The following NKD2 variants were observed in gnomAD, a reference collection of about 807,000 sequenced individuals.
The protein encoded by NKD2 is protein naked cuticle homolog 2.
NKD2 carries 43 observed loss-of-function variants against 34.8 expected under a neutral mutation model. The observed-to-expected ratio is 1.24, with a 90% CI of 0.97 to 1.60. The LOEUF is 1.60. Ranked by LOEUF, NKD2 falls within the 40% of genes most tolerant of loss-of-function variation. The probability of loss-of-function intolerance (pLI) is 0.00; values close to 1 mark genes in which losing one functional copy is unlikely to be tolerated. For missense variants in NKD2, 675 were observed against 627.1 expected, an observed-to-expected ratio of 1.08 and a Z score of -0.82; for synonymous variants, 278 against 265.1, an observed-to-expected ratio of 1.05 and a Z score of -0.47.
In NKD2 at chr5:1,015,584, A is replaced by G. The variant is rs913628932; in HGVS notation, c.141+6024A>G. 1.2e-4 allele frequency among the ~76,000 whole-genome samples: 19 copies of G among 152,306 alleles called. 1 individual carries two copies. The Middle Eastern group carries it at 0.01, about 82-fold the overall frequency. The stretch of plus-strand genomic sequence containing the variant: ...CTCCCTGGGTTATGACGAAAGGCCT[A>G]TGACACCCCTAGGGAGTTGGGGAAG... On this transcript the variant is annotated intron_variant, in intron 3 of 9. Coordinates refer to ENST00000296849, the MANE Select transcript of NKD2 (RefSeq NM_033120.4).
intron 3 of NKD2, among the ~76,000 whole-genome samples, chr5:1,026,725 G>A (rs1756426869): frequency 6.6e-6 from 1 of 152,252 alleles, no homozygotes; most frequent in South Asian, 2.1e-4. Context: ...TGAGCCACCT[G>A]CCAGGCACTC....
At chr5:1,026,501 A>G (rs187765142) in intron 3 of NKD2, among the ~76,000 whole-genome samples, 25 of 58,850 alleles carry the variant, frequency 4.2e-4, no homozygotes, top group East Asian at 6.6e-4. Context: ...GTCTCAGCCC[A>G]TTGTCCCTGC....
rs542731833 is a variant in NKD2 at position 1,038,486 on chromosome 5, C to T, written c.*113C>T. On this transcript the variant is annotated 3_prime_UTR_variant, in exon 10 of 10. Coordinates refer to ENST00000296849, the MANE Select transcript of NKD2 (RefSeq NM_033120.4). The surrounding 1 kb of genome is among the most constrained non-coding windows in gnomAD (Gnocchi z 4.5). The stretch of plus-strand genomic sequence containing the variant: ...TGGGGAGCCCAGCCCCCACCCCCCA[C>T]CTCCGACAGCAAACAGCAACTGACT... The T allele has an allele frequency of 1.0e-4, 155 of 1,531,116 alleles. No homozygotes were observed. The African/African-American group carries it at 2.0e-3, about 19-fold the overall frequency. 94.8% of individuals were successfully genotyped at this position (1,531,116 alleles called of 1,614,324 possible).
chr5:1,009,553 A>C lies in NKD2; in HGVS notation c.134A>C (p.Asp45Ala). The C allele has an allele frequency of 6.7e-7, 1 of 1,485,080 alleles. No individual in the cohort carries two copies. Among genetic ancestry groups the C allele is most frequent in the African/African-American group, 1.5e-5 (1 of 68,196 alleles). 92.0% of individuals were successfully genotyped at this position (1,485,080 alleles called of 1,614,324 possible). A position where few individuals can be genotyped will look rare whatever the true frequency, so the allele number is the denominator to read the frequency against. The change falls in exon 3 of 10, where the codon GAC (aspartate) becomes GCC (alanine). Residue 45 changes from aspartate (D) to alanine (A), a missense_variant. Coordinates refer to ENST00000296849, the MANE Select transcript of NKD2 (RefSeq NM_033120.4). The surrounding 1 kb of genome is among the most constrained non-coding windows in gnomAD (Gnocchi z 6.9). ...GAEEAERRAR[D>A]KQELPNGDPK... Reference sequence around the variant, plus strand: ...GAGGAAGCGGAGCGGCGCGCGCGGGACAAGCAGGTAGGCGGCGGGGCGGAG... The same window carrying C: ...GAGGAAGCGGAGCGGCGCGCGCGGGCCAAGCAGGTAGGCGGCGGGGCGGAG...
Position 1,009,441 on chromosome 5 carries a change from C to T in NKD2, c.62-40C>T. 2 of 1,473,788 alleles carry T rather than the reference C, an allele frequency of 1.4e-6. No homozygotes were observed. Among genetic ancestry groups the T allele is most frequent in the Non-Finnish European group, 1.8e-6 (2 of 1,112,110 alleles). 91.3% of individuals were successfully genotyped at this position (1,473,788 alleles called of 1,614,324 possible). A position where few individuals can be genotyped will look rare whatever the true frequency, so the allele number is the denominator to read the frequency against. On this transcript the variant is annotated intron_variant, in intron 2 of 9. Coordinates refer to ENST00000296849, the MANE Select transcript of NKD2 (RefSeq NM_033120.4). The surrounding 1 kb of genome is among the most constrained non-coding windows in gnomAD (Gnocchi z 6.9). ...GGCTCACGGCGCGTCTCTTTCCCTC[C>T]TCGGTGCGGGTTTCCCGCGCGTCCG...
intron 3 of NKD2, among the ~76,000 whole-genome samples, chr5:1,029,706 T>C (rs1464071415): frequency 6.6e-6 from 1 of 152,186 alleles, no homozygotes; most frequent in Non-Finnish European, 1.5e-5. Flanking sequence ...TAAAAAATAC[T>C]CCACCCCGTC....
At chr5:1,018,893 A>G (rs955536965) in intron 3 of NKD2, among the ~76,000 whole-genome samples, 1 of 152,052 alleles carries the variant, frequency 6.6e-6, no homozygotes, top group African/African-American at 2.4e-5. Context: ...ACAGGGAGGA[A>G]CATCCTTGGC....
At chr5:1,015,276 G>A (rs1168668686) in intron 3 of NKD2, among the ~76,000 whole-genome samples, 1 of 152,226 alleles carries the variant, frequency 6.6e-6, no homozygotes, top group Non-Finnish European at 1.5e-5. Context: ...TCCCTGGCGT[G>A]GCCAGGTGTG....
chr5:1,030,027 T>C (rs72643717), intron 3 of NKD2, among the ~76,000 whole-genome samples: 1 of 128,880 alleles, frequency 7.8e-6, no homozygotes, highest in African/African-American at 3.6e-5. Flanking sequence ...GGGGGGGGGG[T>C]ACTGAGAACC....
chr5:1,031,461 C>T (rs530496716), intron 3 of NKD2, among the ~76,000 whole-genome samples: 25 of 152,134 alleles, frequency 1.6e-4, no homozygotes, highest in Admixed American at 4.6e-4. Flanking sequence ...CCCTCCCGCC[C>T]GCCTGCCCGA....
At chr5:1,034,378 G>A (rs749833288) in intron 6 of NKD2, 48 bp downstream of exon 6, 209 of 1,464,958 alleles carry the variant, frequency 1.4e-4, no homozygotes, top group Non-Finnish European at 1.9e-4. Context: ...AGACAGACGG[G>A]GCAGACAGAC....
At chr5:1,020,903 G>A (rs535052619) in intron 3 of NKD2, among the ~76,000 whole-genome samples, 3 of 152,166 alleles carry the variant, frequency 2.0e-5, no homozygotes, top group South Asian at 2.1e-4. Flanking sequence ...GGCTTAGGGC[G>A]TTTACTGGGT....
chr5:1,027,209 C>T (rs1378798334), intron 3 of NKD2, among the ~76,000 whole-genome samples: 1 of 152,240 alleles, frequency 6.6e-6, no homozygotes, highest in Non-Finnish European at 1.5e-5. Flanking sequence ...CCCAACAGGG[C>T]CGTCCCCACC....
At chr5:1,021,413 A>ACCCAGCCCCCCCCAGCCCCTC (rs1756178778) in intron 3 of NKD2, among the ~76,000 whole-genome samples, 1 of 118,032 alleles carries the variant, frequency 8.5e-6, no homozygotes, top group Admixed American at 9.1e-5. Context: ...CCTGCCCCCG[A>ACCCAGCCCCCCCCAGCCCCTC]CCCAGCCCCC....
chr5:1,029,697 A>T (rs1756563696), intron 3 of NKD2, among the ~76,000 whole-genome samples: 1 of 152,156 alleles, frequency 6.6e-6, no homozygotes, highest in African/African-American at 2.4e-5. Flanking sequence ...AAAAATCCTT[A>T]AAAAATACTC....
chr5:1,033,348 C>T (rs1756718597), intron 4 of NKD2, 24 bp from the exon 5 acceptor site: 1 of 1,580,938 alleles, frequency 6.3e-7, no homozygotes, highest in East Asian at 2.3e-5. Flanking sequence ...CTGCCAGCCC[C>T]TTCGCCTCCT....
rs558801700 is a variant in NKD2 at position 1,035,817 on chromosome 5, G to A, written c.659+344G>A. The A allele has an allele frequency of 1.8e-5, 7 of 379,060 alleles. No individual in the cohort carries two copies. In the East Asian group the frequency reaches 2.3e-4, roughly 13 times the overall value. The allele number at this position is 379,060 out of a possible 1,614,324, so 23.5% of individuals were successfully genotyped here. ...GCTGGGGGTGGCTGGGGCAGTGGCT[G>A]AGGGTGGCTGGGGCAGTGGTTGGGG... is the stretch of plus-strand genomic sequence containing the variant. On this transcript the variant is annotated intron_variant, in intron 8 of 9. Coordinates refer to ENST00000296849, the MANE Select transcript of NKD2 (RefSeq NM_033120.4).
At chr5:1,028,255 C>CT (rs1268603824) in intron 3 of NKD2, among the ~76,000 whole-genome samples, 2 of 152,126 alleles carry the variant, frequency 1.3e-5, no homozygotes, top group Non-Finnish European at 1.5e-5. Flanking sequence ...GGCTCACAGA[C>CT]CAGGGTGGCC....
At position 1,009,415 on chromosome 5, in the gene NKD2, G is replaced by A; in HGVS notation, c.62-66G>A. Reference sequence around the variant, plus strand: ...ACACAGCGAAGGCGCAGCGCCCGCGGGGCTCACGGCGCGTCTCTTTCCCTC... The same window carrying A: ...ACACAGCGAAGGCGCAGCGCCCGCGAGGCTCACGGCGCGTCTCTTTCCCTC... On this transcript the variant is annotated intron_variant, in intron 2 of 9. Coordinates refer to ENST00000296849, the MANE Select transcript of NKD2 (RefSeq NM_033120.4). This position sits in a 1 kb window ranked among gnomAD's most constrained non-coding sequence, Gnocchi z 6.9. 7.4e-7 allele frequency: 1 copy of A among 1,357,938 alleles called. No homozygotes were observed. The highest frequency in any genetic ancestry group is 9.9e-7 in the Non-Finnish European group (1 of 1,011,838). The allele number at this position is 1,357,938 out of a possible 1,614,324, so 84.1% of individuals were successfully genotyped here.
Sources: allele counts gnomAD v4.1 joint callset (sites outside exome capture counted in the v4.1 genomes callset), GRCh38; gene constraint gnomAD v4.1.1; non-coding constraint Gnocchi (gnomAD v3.1); transcripts MANE v1.5; gene names NCBI Gene and HGNC (gene_info 2026-07-23, HGNC 2026-07-21).